The following ZNF385D variants were observed in gnomAD, a reference collection of about 807,000 sequenced individuals.
The protein encoded by ZNF385D is zinc finger protein 659.
In ZNF385D, 15 loss-of-function variants were observed where a neutral mutation model predicts 35.8. The observed-to-expected ratio is 0.42, with a 90% CI of 0.28 to 0.64. ZNF385D has a LOEUF of 0.64. ZNF385D is among the 30% of genes least tolerant of loss of function. The pLI, the probability that ZNF385D is intolerant of heterozygous loss-of-function variation, is 0.23. For missense variants in ZNF385D, 474 were observed against 494.6 expected (o/e 0.96, Z 0.39); for synonymous variants, 212 against 186.8 (o/e 1.13, Z -1.10).
intron 3 of ZNF385D, among the ~76,000 whole-genome samples, chr3:21,559,303 C>T (rs930835863): frequency 1.5e-4 from 23 of 152,170 alleles, no homozygotes; most frequent in East Asian, 9.7e-4. Context: ...TGGCTGGTAC[C>T]GGTTTTACCT....
chr3:21,623,834 T>C (rs891376640), intron 2 of ZNF385D, among the ~76,000 whole-genome samples: 2 of 152,118 alleles, frequency 1.3e-5, no homozygotes, highest in Admixed American at 1.3e-4. Context: ...CAATTTACCA[T>C]GACTATTTGA....
At chr3:22,339,480 G>T (rs1400019357) in intron 2 of ZNF385D, among the ~76,000 whole-genome samples, 2 of 152,158 alleles carry the variant, frequency 1.3e-5, no homozygotes, top group East Asian at 1.9e-4. Context: ...TCTTACAGAT[G>T]AAAGACTTCC....
In ZNF385D at chr3:21,674,556, G is replaced by C. The variant is rs138300536; in HGVS notation, c.23-9528C>G. Reference sequence around the variant, plus strand: ...AAGCATAGTAAGCAATGTAATTTGTGTTATCTAAGTTACATTGCACCCAAC... The same window carrying C: ...AAGCATAGTAAGCAATGTAATTTGTCTTATCTAAGTTACATTGCACCCAAC... On this transcript the variant is annotated intron_variant, in intron 1 of 7. Transcript: ENST00000281523. Among the ~76,000 whole-genome samples, 1,178 of 152,186 alleles carry C rather than the reference G, an allele frequency of 7.7e-3. 9 individuals carry two copies. Among genetic ancestry groups the C allele is most frequent in the Non-Finnish European group, 0.014 (936 of 67,978 alleles).
intron 5 of ZNF385D, among the ~76,000 whole-genome samples, chr3:21,430,363 T>C (rs1701236718): frequency 6.6e-6 from 1 of 151,944 alleles, no homozygotes; most frequent in Non-Finnish European, 1.5e-5. Context: ...AAACAAGAAG[T>C]CTAAAACAGA....
intron 2 of ZNF385D, among the ~76,000 whole-genome samples, chr3:22,327,068 T>C (rs1694710211): frequency 6.6e-6 from 1 of 152,154 alleles, no homozygotes; most frequent in East Asian, 1.9e-4. Flanking sequence ...ATCTATTAAG[T>C]ACCTTAAAAA....
At position 21,978,811 on chromosome 3, in the gene ZNF385D, G is replaced by C. The variant is rs79042542; in HGVS notation, c.325+190006C>G. 2.0e-3 allele frequency among the ~76,000 whole-genome samples: 301 copies of C among 151,996 alleles called. 1 individual carries two copies. Among genetic ancestry groups the C allele is most frequent in the African/African-American group, 6.8e-3 (282 of 41,456 alleles). On this transcript the variant is annotated intron_variant, in intron 3 of 5. Coordinates refer to the ZNF385D transcript ENST00000494108. ...TGTGAAAGGCATGTTTAGGTGCTCA[G>C]CATTATGACAAATGTTTCCTGCATT...
At chr3:22,351,466 G>T (rs912725184) in intron 2 of ZNF385D, among the ~76,000 whole-genome samples, 3 of 151,980 alleles carry the variant, frequency 2.0e-5, no homozygotes, top group African/African-American at 7.2e-5. Context: ...GAAATACTTG[G>T]CCCAGCTGTC....
chr3:21,925,351 C>T (rs938270862), intron 3 of ZNF385D, among the ~76,000 whole-genome samples: 8 of 152,040 alleles, frequency 5.3e-5, no homozygotes, highest in Admixed American at 4.6e-4. Context: ...ACATGCCTAA[C>T]CAATTTTTAA....
At chr3:21,926,556 C>T (rs181879489) in intron 3 of ZNF385D, among the ~76,000 whole-genome samples, 2 of 152,194 alleles carry the variant, frequency 1.3e-5, no homozygotes, top group South Asian at 2.1e-4. Flanking sequence ...TGGGTTGGTT[C>T]CAAGTCTTTG....
chr3:21,726,168 G>A (rs2068756686), intron 1 of ZNF385D, among the ~76,000 whole-genome samples: 1 of 151,976 alleles, frequency 6.6e-6, no homozygotes, highest in Non-Finnish European at 1.5e-5. Flanking sequence ...GATATCGATG[G>A]AACATATTTC....
At chr3:21,969,553 T>C (rs552671215) in intron 3 of ZNF385D, among the ~76,000 whole-genome samples, 12 of 152,324 alleles carry the variant, frequency 7.9e-5, no homozygotes, top group East Asian at 5.8e-4. Flanking sequence ...AACGGACTAA[T>C]TAATACCCGC....
intron 3 of ZNF385D, among the ~76,000 whole-genome samples, chr3:21,963,104 TC>T (rs1247888290): frequency 6.6e-6 from 1 of 152,206 alleles, no homozygotes; most frequent in African/African-American, 2.4e-5. Context: ...AATGACCCTT[TC>T]CCAAGAAATT....
intron 3 of ZNF385D, among the ~76,000 whole-genome samples, chr3:21,764,223 A>T (rs2070736533): frequency 1.3e-5 from 2 of 152,192 alleles, no homozygotes; most frequent in Non-Finnish European, 2.9e-5. Context: ...AGGATAAAGC[A>T]GTGTGGAGAC....
intron 3 of ZNF385D, among the ~76,000 whole-genome samples, chr3:22,100,543 A>G (rs530000668): frequency 6.6e-6 from 1 of 152,232 alleles, no homozygotes; most frequent in Non-Finnish European, 1.5e-5. Flanking sequence ...AGGGACATGG[A>G]TGAAATTGGA....
chr3:22,022,726 T>C (rs1427720431), intron 3 of ZNF385D, among the ~76,000 whole-genome samples: 1 of 152,122 alleles, frequency 6.6e-6, no homozygotes, highest in Non-Finnish European at 1.5e-5. Flanking sequence ...GAACAAGGAA[T>C]AGAGACCAGA....
At chr3:21,804,392 A>G (rs534418880) in intron 3 of ZNF385D, among the ~76,000 whole-genome samples, 2 of 152,332 alleles carry the variant, frequency 1.3e-5, no homozygotes, top group East Asian at 3.9e-4. Context: ...ACCAGTGGAC[A>G]GTAACGTTTT....
chr3:22,201,437 T>C (rs993953273), intron 2 of ZNF385D, among the ~76,000 whole-genome samples: 1 of 152,158 alleles, frequency 6.6e-6, no homozygotes, highest in East Asian at 1.9e-4. Context: ...TACATATACA[T>C]GTAGAAGAAA....
chr3:22,150,875 G>A (rs1053202457), intron 3 of ZNF385D, among the ~76,000 whole-genome samples: 1 of 152,064 alleles, frequency 6.6e-6, no homozygotes, highest in African/African-American at 2.4e-5. Context: ...GATTATTTAA[G>A]GGAACATCGA....
At chr3:21,544,735 A>C (rs1168232685) in intron 3 of ZNF385D, among the ~76,000 whole-genome samples, 1 of 152,182 alleles carries the variant, frequency 6.6e-6, no homozygotes, top group African/African-American at 2.4e-5. Flanking sequence ...GCTTCTTTAA[A>C]ATTTCTGAGT....
Sources: gnomAD v4.1 joint callset for allele counts (sites outside exome capture counted in the v4.1 genomes callset) on GRCh38, gnomAD v4.1.1 for gene constraint, MANE v1.5 for transcripts, NCBI Gene and HGNC (gene_info 2026-07-23, HGNC 2026-07-21) for gene names.